Variants in CFAP74 observed in about 807,000 individuals in gnomAD.
The protein encoded by CFAP74 is cilia and flagella associated protein 74.
A neutral mutation model predicts 188.9 loss-of-function variants in CFAP74; 124 were observed. The ratio of observed to expected loss-of-function variants is 0.66; its 90% CI spans 0.57 to 0.76. CFAP74 has a LOEUF of 0.76. Among genes scored for constraint, CFAP74 ranks in the 30% least tolerant of loss-of-function variants. The pLI is 0.00. For missense variants in CFAP74, 2,198 were observed against 2,165.2 expected (o/e 1.02, Z -0.30); for synonymous variants, 956 against 916.7 (o/e 1.04, Z -0.77).
intron 1 of CFAP74, among the ~76,000 whole-genome samples, chr1:1,993,201 A>G (rs1156845882): frequency 1.5e-5 from 2 of 137,536 alleles, no homozygotes; most frequent in Non-Finnish European, 3.0e-5. Context: ...ACTGTCTCAA[A>G]AAAAAAAAAA....
Position 1,928,033 on chromosome 1 carries a change from C to G in CFAP74, c.3388-287G>C. The G allele has an allele frequency of 8.6e-6, 4 of 467,466 alleles. No individual in the cohort carries two copies. In the Admixed American group the frequency reaches 1.4e-4, roughly 16 times the overall value. The allele number at this position is 467,466 out of a possible 1,614,324, so 29.0% of individuals were successfully genotyped here. On this transcript the variant is annotated intron_variant, in intron 27 of 38. Transcript: ENST00000682832. The stretch of plus-strand genomic sequence containing the variant: ...CCGGGGTCCCCACCCTGGTGCCTTC[C>G]CCTATCTTCACCGCGGAAGGCCGAA...
rs1224238346 is a variant in CFAP74 at position 1,930,283 on chromosome 1, G to A, written c.3065C>T (p.Ser1022Phe). 6.5e-7 allele frequency: 1 copy of A among 1,535,382 alleles called. No homozygotes were observed. The highest frequency in any genetic ancestry group is 8.7e-7 in the Non-Finnish European group (1 of 1,146,470). Reference protein sequence around the residue: ...AVGVHPPLELSHYQIKFAATA... With the variant: ...AVGVHPPLELFHYQIKFAATA... ...GGCGGCAAACTTGATCTGGTAGTGG[G>A]ACAGCTCCAGGGGTGGGTGGACGCC... Residue 1022 changes from serine to phenylalanine, a missense_variant, in exon 26 of 39, where the codon TCC becomes TTC. Transcript: ENST00000682832.
At chr1:1,987,820 G>A (rs755036397) in intron 4 of CFAP74, 2 of 326,456 alleles carry the variant, frequency 6.1e-6, no homozygotes, top group Non-Finnish European at 1.2e-5. Context: ...GATTACAGGT[G>A]TGAGCCACCG....
chr1:1,925,049 A>G (rs1438611390), intron 33 of CFAP74, among the ~76,000 whole-genome samples: 2 of 137,560 alleles, frequency 1.5e-5, no homozygotes, highest in East Asian at 2.2e-4. Flanking sequence ...CACTGGTCCA[A>G]AGGCATGAGG....
chr1:1,923,095 T>G lies in CFAP74; in HGVS notation c.4573A>C (p.Ile1525Leu). Reference sequence around the variant, plus strand: ...TGGATGTAGTCCAGGGTCACCAGGATGGGCCTCAGCTCCTCAGCTTCTGGA... The same window carrying G: ...TGGATGTAGTCCAGGGTCACCAGGAGGGGCCTCAGCTCCTCAGCTTCTGGA... Reference protein sequence around the residue: ...LSPEAEELRPILVTLDYIQFD... With the variant: ...LSPEAEELRPLLVTLDYIQFD... The change falls in exon 37 of 39, where the codon ATC becomes CTC. Residue 1525 changes from isoleucine to leucine, a missense_variant. Coordinates refer to ENST00000682832, the MANE Select transcript of CFAP74 (RefSeq NM_001304360.2). The surrounding 1 kb of genome is among the most constrained non-coding windows in gnomAD (Gnocchi z 6.3). 2.5e-6 allele frequency: 4 copies of G among 1,610,228 alleles called. No homozygotes were observed. The highest frequency in any genetic ancestry group is 3.4e-6 in the Non-Finnish European group (4 of 1,179,214).
chr1:1,939,827 C>T, intron 23 of CFAP74, 60 bp from the exon 24 acceptor site: 1 of 1,481,230 alleles, frequency 6.8e-7, no homozygotes, highest in Non-Finnish European at 9.1e-7. Context: ...AAGTGCTCCC[C>T]AAACTCTGAG....
In CFAP74 at chr1:1,922,173, G is replaced by A; in HGVS notation, c.*114C>T. 4.6e-6 allele frequency: 2 copies of A among 434,522 alleles called. No individual in the cohort carries two copies. The highest frequency in any genetic ancestry group is 7.6e-6 in the Non-Finnish European group (2 of 262,590). The allele number at this position is 434,522 out of a possible 1,614,324, so 26.9% of individuals were successfully genotyped here. A position where few individuals can be genotyped will look rare whatever the true frequency, so the allele number is the denominator to read the frequency against. ...GCGCCATGTGGAGGGCGGCCTATTGGAATCTGGCAGAGGATGGCCAGGTCC... is the reference window on the plus strand; with the variant it reads ...GCGCCATGTGGAGGGCGGCCTATTGAAATCTGGCAGAGGATGGCCAGGTCC... On this transcript the variant is annotated 3_prime_UTR_variant, in exon 39 of 39. Coordinates refer to ENST00000682832, the MANE Select transcript of CFAP74 (RefSeq NM_001304360.2).
chr1:1,995,978 TTTTTTG>T lies in CFAP74; in HGVS notation c.-19-5009_-19-5004del, dbSNP rs377218751. Among the ~76,000 whole-genome samples, 290 of 151,992 alleles carry T rather than the reference TTTTTTG, an allele frequency of 1.9e-3. 1 individual carries two copies. Among genetic ancestry groups the T allele is most frequent in the African/African-American group, 6.6e-3 (273 of 41,488 alleles). ...ACAACCAAAAAAAATCAAACTAACT[TTTTTTG>T]TTTTTGTTTTTGTTTTTTGAGGCAG... is the stretch of plus-strand genomic sequence containing the variant. On this transcript the variant is annotated intron_variant, in intron 1 of 38. Coordinates refer to ENST00000682832, the MANE Select transcript of CFAP74 (RefSeq NM_001304360.2).
Position 1,925,929 on chromosome 1 carries a change from T to A in CFAP74, c.3958A>T (p.Thr1320Ser), listed in dbSNP as rs1651855117. The A allele has an allele frequency of 1.9e-6, 3 of 1,608,282 alleles. No individual in the cohort carries two copies. Among genetic ancestry groups the A allele is most frequent in the Non-Finnish European group, 2.5e-6 (3 of 1,177,866 alleles). ...CCTCTCTTGGTGATGATGTCCAGTG[T>A]TTCTTGAGCCTAAAGAGACCACATC... ...SPHESILAQE[T>S]LDIITKRGTL... Residue 1320 changes from threonine to serine, a missense_variant, in exon 33 of 39, where the codon ACA (threonine) becomes TCA (serine). Physicochemically the swap from Thr to Ser is moderately conservative, Grantham distance 58. Coordinates refer to ENST00000682832, the MANE Select transcript of CFAP74 (RefSeq NM_001304360.2).
intron 10 of CFAP74, among the ~76,000 whole-genome samples, chr1:1,969,240 G>GCCCAT (rs1655729442): frequency 2.4e-5 from 1 of 42,224 alleles, no homozygotes; most frequent in African/African-American, 9.5e-5. Context: ...GCCCAACCCA[G>GCCCAT]CCCTGCCCAG....
chr1:1,938,855 C>T lies in CFAP74; in HGVS notation c.3011G>A (p.Arg1004Gln), dbSNP rs1653144322. The change falls in exon 25 of 39, where the codon CGG (arginine) becomes CAG (glutamine). Residue 1004 changes from arginine (R) to glutamine (Q), a missense_variant and splice_region_variant. Arg to Gln is a conservative substitution (Grantham distance 43). Coordinates refer to ENST00000682832, the MANE Select transcript of CFAP74 (RefSeq NM_001304360.2). ...CGTCCCCTCTCCCTGGCAGGCTCAC[C>T]GGTTGATCTCAGACTTGCAGGTCAG... The part of the protein sequence containing the change: ...FQLTCKSEIN[R>Q]CFKLSCRAVG... 8.5e-6 allele frequency: 13 copies of T among 1,535,826 alleles called. No individual in the cohort carries two copies. The highest frequency in any genetic ancestry group is 4.9e-5 in the East Asian group (2 of 40,914).
chr1:1,923,377 C>G lies in CFAP74; in HGVS notation c.4512G>C (p.Arg1504Ser), dbSNP rs776978719. The change falls in exon 36 of 39, where the codon AGG (arginine) becomes AGC (serine). Residue 1504 changes from arginine (R) to serine (S), a missense_variant. Physicochemically the swap from Arg to Ser is moderately radical, Grantham distance 110 (BLOSUM62 -1). Transcript: ENST00000682832. This position sits in a 1 kb window ranked among gnomAD's most constrained non-coding sequence, Gnocchi z 6.3. ...SLTAIPVFDPRHREASSRPGP... is the reference protein window; with the variant it reads ...SLTAIPVFDPSHREASSRPGP... ...TGGGGAGGGGCTCACCCTCTCTGTG[C>G]CTGGGGTCAAATACAGGGATCGCTG... 1.3e-6 allele frequency: 2 copies of G among 1,575,518 alleles called. No homozygotes were observed. Among genetic ancestry groups the G allele is most frequent in the Admixed American group, 1.9e-5 (1 of 53,062 alleles).
intron 25 of CFAP74, among the ~76,000 whole-genome samples, chr1:1,937,914 A>T (rs928252823): frequency 1.3e-5 from 2 of 148,558 alleles, no homozygotes; most frequent in African/African-American, 5.0e-5. Flanking sequence ...ATGCGTGTAT[A>T]CACACATGCA....
At chr1:1,926,428 GGCC>G (rs1268942756) in intron 31 of CFAP74, 26 bp downstream of exon 31, 2 of 1,550,148 alleles carry the variant, frequency 1.3e-6, no homozygotes, top group East Asian at 4.9e-5. Context: ...CCACCCCGCA[GGCC>G]GCCTGAGCTG....
intron 12 of CFAP74, 83 bp downstream of exon 12, chr1:1,966,288 C>T (rs1655461464): frequency 1.5e-6 from 2 of 1,304,160 alleles, no homozygotes; most frequent in Non-Finnish European, 2.0e-6. Context: ...GCTGGTGTGG[C>T]CGGGGCAGGC....
At chr1:1,939,377 A>G (rs1653197971) in intron 24 of CFAP74, among the ~76,000 whole-genome samples, 1 of 152,168 alleles carries the variant, frequency 6.6e-6, no homozygotes, top group African/African-American at 2.4e-5. Context: ...AGGGATCTGG[A>G]GCGCAGGAGG....
intron 33 of CFAP74, 58 bp from the exon 34 acceptor site, chr1:1,924,578 T>G: frequency 6.5e-7 from 1 of 1,539,922 alleles, no homozygotes. Context: ...GCCCCCTTCC[T>G]GTCGTCGGTG....
rs115111551 is a variant in CFAP74 at position 1,957,101 on chromosome 1, G to C, written c.1852-317C>G. ...GGACACGGGGCTTTGGAGGTCCTGA[G>C]GATGGATGGTGTCATTCCTGGGTGA... On this transcript the variant is annotated intron_variant, in intron 16 of 38. Coordinates refer to ENST00000682832, the MANE Select transcript of CFAP74 (RefSeq NM_001304360.2). Among the ~76,000 whole-genome samples, 1,144 of 152,340 alleles carry C rather than the reference G, an allele frequency of 7.5e-3. 16 individuals are homozygous for C. The highest frequency in any genetic ancestry group is 0.026 in the African/African-American group (1,097 of 41,568).
intron 16 of CFAP74, among the ~76,000 whole-genome samples, chr1:1,958,595 A>G (rs1285998757): frequency 6.6e-6 from 1 of 151,672 alleles, no homozygotes; most frequent in Non-Finnish European, 1.5e-5. Context: ...GAAGTTTCTG[A>G]GGGTGGAGTG....
Sources: gnomAD v4.1 joint callset for allele counts (sites outside exome capture counted in the v4.1 genomes callset) on GRCh38, gnomAD v4.1.1 for gene constraint, Gnocchi (gnomAD v3.1) non-coding constraint, MANE v1.5 for transcripts, NCBI Gene and HGNC (gene_info 2026-07-23, HGNC 2026-07-21) for gene names.